Variants in TEAD1 observed in about 807,000 individuals in gnomAD.
TEAD1 encodes the protein transcriptional enhancer factor TEF-1.
Under a neutral mutation model 54.9 loss-of-function variants are expected in TEAD1, and 9 were observed. That is an observed-to-expected ratio of 0.16 (90% CI 0.10 to 0.29). The LOEUF is 0.29. Ranked by LOEUF, TEAD1 falls within the 10% of genes least tolerant of loss-of-function variation. The pLI is 1.00. For missense variants in TEAD1, 387 were observed against 535.9 expected, an observed-to-expected ratio of 0.72 and a Z score of 2.74; for synonymous variants, 200 against 187.8, an observed-to-expected ratio of 1.07 and a Z score of -0.53.
intron 2 of TEAD1, among the ~76,000 whole-genome samples, chr11:12,723,889 T>C (rs1042686449): frequency 6.6e-6 from 1 of 152,218 alleles, no homozygotes; most frequent in Admixed American, 6.5e-5. Context: ...CCCAACTTGT[T>C]TTTCAAGTTG....
At chr11:12,698,780 G>A (rs1943638380) in intron 2 of TEAD1, among the ~76,000 whole-genome samples, 1 of 152,130 alleles carries the variant, frequency 6.6e-6, no homozygotes, top group African/African-American at 2.4e-5. Context: ...TAAAATTCCA[G>A]GTAATTAGGG....
At chr11:12,730,249 C>T (rs564741447) in intron 2 of TEAD1, among the ~76,000 whole-genome samples, 1 of 152,082 alleles carries the variant, frequency 6.6e-6, no homozygotes, top group Non-Finnish European at 1.5e-5. Context: ...AACACTCTCC[C>T]AGGCTTTGTC....
At chr11:12,758,104 A>G (rs114995424) in intron 2 of TEAD1, among the ~76,000 whole-genome samples, 3,284 of 152,050 alleles carry the variant, frequency 0.022, 130 homozygotes, top group African/African-American at 0.076. Flanking sequence ...TTCATTGACT[A>G]TTTATATGTC....
intron 10 of TEAD1, chr11:12,922,486 A>G (rs1286649752): frequency 2.0e-5 from 3 of 152,168 alleles, no homozygotes; most frequent in African/African-American, 4.8e-5. Context: ...TGTAGACAGA[A>G]AGTAGGAAGT....
intron 3 of TEAD1, among the ~76,000 whole-genome samples, chr11:12,789,977 A>G (rs1035145901): frequency 2.0e-5 from 3 of 152,220 alleles, no homozygotes; most frequent in Admixed American, 6.5e-5. Flanking sequence ...TTGCTCTGCT[A>G]TTTAAATCTA....
At chr11:12,883,176 A>G (rs768442205) in intron 9 of TEAD1, 51 bp downstream of exon 9, 60 of 1,609,456 alleles carry the variant, frequency 3.7e-5, no homozygotes, top group Non-Finnish European at 4.8e-5. Flanking sequence ...CTTTCCCTTT[A>G]CTGTTTACCT....
chr11:12,830,963 C>T (rs1242624708), intron 3 of TEAD1, among the ~76,000 whole-genome samples: 1 of 152,158 alleles, frequency 6.6e-6, no homozygotes, highest in Non-Finnish European at 1.5e-5. Flanking sequence ...CTTCCTCCTG[C>T]CCTTCATCTG....
At chr11:12,924,015 C>T (rs750661223) in intron 10 of TEAD1, among the ~76,000 whole-genome samples, 1 of 152,180 alleles carries the variant, frequency 6.6e-6, no homozygotes, top group African/African-American at 2.4e-5. Context: ...TTCCTTGGCA[C>T]GCAGGCTTTC....
chr11:12,870,579 G>C lies in TEAD1; in HGVS notation c.330+5679G>C, dbSNP rs530719272. ...TCTCCCCCGCCCCCCCCGGGGTTGGGGCATTTTCAAAATATCTAGGACAAG... is the reference window on the plus strand; with the variant it reads ...TCTCCCCCGCCCCCCCCGGGGTTGGCGCATTTTCAAAATATCTAGGACAAG... On this transcript the variant is annotated intron_variant, in intron 5 of 12. Transcript: ENST00000527636. Among the ~76,000 whole-genome samples, 28 of 152,284 alleles carry C rather than the reference G, an allele frequency of 1.8e-4. No individual in the cohort carries two copies. The South Asian group carries it at 5.8e-3, about 32-fold the overall frequency.
chr11:12,929,327 A>G (rs905642269), intron 11 of TEAD1, among the ~76,000 whole-genome samples: 1 of 151,800 alleles, frequency 6.6e-6, no homozygotes, highest in African/African-American at 2.4e-5. Flanking sequence ...TGTCTAAAGG[A>G]CCAGTTTTTA....
At chr11:12,894,943 G>T (rs768507566) in intron 9 of TEAD1, among the ~76,000 whole-genome samples, 1 of 152,138 alleles carries the variant, frequency 6.6e-6, no homozygotes, top group Non-Finnish European at 1.5e-5. Flanking sequence ...CTGCATTATA[G>T]TTCTACTAAG....
At chr11:12,878,577 A>G (rs1270137438) in intron 5 of TEAD1, among the ~76,000 whole-genome samples, 2 of 152,068 alleles carry the variant, frequency 1.3e-5, no homozygotes, top group African/African-American at 4.8e-5. Context: ...CCAGGAGGCT[A>G]TTTCTCTGTC....
At chr11:12,853,241 G>T (rs1219603744) in intron 3 of TEAD1, among the ~76,000 whole-genome samples, 1 of 152,038 alleles carries the variant, frequency 6.6e-6, no homozygotes, top group Non-Finnish European at 1.5e-5. Context: ...TGGGTTCAGG[G>T]AACTGGAAGC....
At chr11:12,707,029 T>C (rs1943830787) in intron 2 of TEAD1, among the ~76,000 whole-genome samples, 2 of 151,976 alleles carry the variant, frequency 1.3e-5, no homozygotes, top group African/African-American at 4.8e-5. Context: ...AGGAGAAGAG[T>C]TCCAGTTTGT....
At chr11:12,780,962 A>G (rs1945530079) in intron 3 of TEAD1, among the ~76,000 whole-genome samples, 2 of 152,236 alleles carry the variant, frequency 1.3e-5, no homozygotes, top group South Asian at 2.1e-4. Flanking sequence ...CTACAGAGCT[A>G]CAGTCTGAAT....
chr11:12,749,361 T>A (rs1944816601), intron 2 of TEAD1, among the ~76,000 whole-genome samples: 2 of 152,150 alleles, frequency 1.3e-5, no homozygotes, highest in South Asian at 2.1e-4. Flanking sequence ...GTTAACAGAA[T>A]CTGTAGAAGG....
At chr11:12,745,070 A>G (rs1168479189) in intron 2 of TEAD1, among the ~76,000 whole-genome samples, 6 of 152,192 alleles carry the variant, frequency 3.9e-5, no homozygotes, top group African/African-American at 1.4e-4. Context: ...CTCTGCAGAG[A>G]CATGAACAGC....
chr11:12,681,835 G>A (rs572280753), intron 2 of TEAD1, among the ~76,000 whole-genome samples: 49 of 152,348 alleles, frequency 3.2e-4, no homozygotes, highest in African/African-American at 1.2e-3. Context: ...TGCCTTTTGG[G>A]TTTGTCATTC....
chr11:12,828,679 T>G (rs1590191132), intron 3 of TEAD1, among the ~76,000 whole-genome samples: 1 of 714 alleles, frequency 1.4e-3, no homozygotes, highest in Admixed American at 0.036. Context: ...AACTGAGTGA[T>G]TTTTTTTTTT....
Sources: allele counts gnomAD v4.1 joint callset (sites outside exome capture counted in the v4.1 genomes callset), GRCh38; gene constraint gnomAD v4.1.1; transcripts MANE v1.5; gene names NCBI Gene and HGNC (gene_info 2026-07-23, HGNC 2026-07-21).